Variants in NAV2 observed in about 807,000 individuals in gnomAD.
NAV2 encodes the protein neuron navigator 2, also known as helicase, APC down-regulated 1.
Under a neutral mutation model 223.2 loss-of-function variants are expected in NAV2, and 54 were observed. That is an observed-to-expected ratio of 0.24 (90% confidence interval 0.19 to 0.30). NAV2 has a LOEUF of 0.30. NAV2 is among the 10% of genes least tolerant of loss of function. The pLI, the probability that NAV2 is intolerant of heterozygous loss-of-function variation, is 1.00. For synonymous variants in NAV2, 1,279 were observed against 1,239.3 expected, an observed-to-expected ratio of 1.03 and a Z score of -0.67; for missense variants, 2,806 against 3,147.5, an observed-to-expected ratio of 0.89 and a Z score of 2.60.
Position 19,811,521 on chromosome 11 carries a change from A to G in NAV2, c.268-20963A>G, listed in dbSNP as rs879211535. On this transcript the variant is annotated intron_variant, in intron 1 of 37. Coordinates refer to ENST00000349880, the MANE Select transcript of NAV2 (RefSeq NM_145117.5). ...CAATTAAATGATTATCCCAGCTGCC[A>G]CACACTAATGCCTTTCTTACTGAGT... Among the ~76,000 whole-genome samples, 130 of 152,350 alleles carry G rather than the reference A, an allele frequency of 8.5e-4. 1 individual carries two copies. Among genetic ancestry groups the G allele is most frequent in the Admixed American group, 9.1e-4 (14 of 15,306 alleles).
chr11:19,557,508 A>G (rs10766570), intron 1 of NAV2, among the ~76,000 whole-genome samples: 24,044 of 152,252 alleles, frequency 0.16, 2,563 homozygotes, highest in East Asian at 0.42. Flanking sequence ...TTCATGGACA[A>G]TCGATGGTAC....
intron 1 of NAV2, among the ~76,000 whole-genome samples, chr11:19,662,416 A>C (rs1202754461): frequency 6.6e-6 from 1 of 152,216 alleles, no homozygotes; most frequent in East Asian, 1.9e-4. Flanking sequence ...AGGTGGAAAC[A>C]CCTGATAGAA....
intron 24 of NAV2, among the ~76,000 whole-genome samples, 177 bp downstream of exon 24, chr11:20,078,281 C>T (rs990115274): frequency 1.3e-5 from 2 of 152,178 alleles, no homozygotes; most frequent in Non-Finnish European, 2.9e-5. Context: ...CTGGCCTCTA[C>T]AAAGATGGCT....
In NAV2 at chr11:20,114,610, C is replaced by T; in HGVS notation, c.6979C>T (p.Pro2327Ser). ...EGLQLYGRRA[P>S]WEDPAKWVMD... Reference sequence around the variant, plus strand: ...TTTTCAGCTCTATGGAAGGCGCGCCCCCTGGGAGGATCCTGCCAAGTGGGT... The same window carrying T: ...TTTTCAGCTCTATGGAAGGCGCGCCTCCTGGGAGGATCCTGCCAAGTGGGT... Residue 2327 changes from proline (P) to serine (S), a missense_variant, in exon 37 of 38, where the codon CCC (proline) becomes TCC (serine). Physicochemically the swap from Pro to Ser is moderately conservative, Grantham distance 74. Around this residue, in one of 4 missense-constraint regions of NAV2, gnomAD observed 824 missense variants for 1,069.4 expected, o/e 0.77. Transcript: ENST00000349880. 6.2e-7 allele frequency: 1 copy of T among 1,614,158 alleles called. No individual in the cohort carries two copies. Among genetic ancestry groups the T allele is most frequent in the Non-Finnish European group, 8.5e-7 (1 of 1,180,034 alleles).
intron 11 of NAV2, among the ~76,000 whole-genome samples, chr11:20,021,177 A>G (rs1046586425): frequency 6.6e-6 from 1 of 152,084 alleles, no homozygotes; most frequent in Non-Finnish European, 1.5e-5. Flanking sequence ...TAAAATTTAC[A>G]TTTTGTCTCA....
At chr11:19,744,761 A>G (rs1371704508) in intron 1 of NAV2, among the ~76,000 whole-genome samples, 1 of 152,176 alleles carries the variant, frequency 6.6e-6, no homozygotes, top group Non-Finnish European at 1.5e-5. Context: ...GAATTTCACC[A>G]TCCTCACCAT....
At chr11:19,580,015 A>G (rs1019351470) in intron 1 of NAV2, among the ~76,000 whole-genome samples, 9 of 152,240 alleles carry the variant, frequency 5.9e-5, no homozygotes, top group Non-Finnish European at 1.0e-4. Context: ...GGACAATTGT[A>G]TCTTTTGGCC....
At chr11:20,088,386 C>T (rs895144757) in intron 26 of NAV2, among the ~76,000 whole-genome samples, 6 of 152,258 alleles carry the variant, frequency 3.9e-5, no homozygotes, top group African/African-American at 1.2e-4. Context: ...GGGGTTTCGC[C>T]GTGTTGGCCA....
chr11:19,473,299 T>C (rs1305614651), intron 1 of NAV2, among the ~76,000 whole-genome samples: 2 of 150,460 alleles, frequency 1.3e-5, no homozygotes, highest in South Asian at 2.1e-4. Flanking sequence ...AGGCTTTAGA[T>C]GGTACAGATG....
chr11:19,726,994 A>T (rs1218663133), intron 1 of NAV2, among the ~76,000 whole-genome samples: 1 of 152,202 alleles, frequency 6.6e-6, no homozygotes, highest in African/African-American at 2.4e-5. Context: ...GGATGGATGG[A>T]GTCACCCTAG....
intron 1 of NAV2, among the ~76,000 whole-genome samples, chr11:19,728,356 G>A (rs1324560489): frequency 6.6e-6 from 1 of 152,184 alleles, no homozygotes; most frequent in Non-Finnish European, 1.5e-5. Context: ...CACCAGCCCT[G>A]ATGTCTCCCA....
chr11:19,728,873 A>T (rs1405625208), intron 1 of NAV2, among the ~76,000 whole-genome samples: 1 of 152,236 alleles, frequency 6.6e-6, no homozygotes, highest in Non-Finnish European at 1.5e-5. Context: ...AAGGAAACCA[A>T]TTAATTCATT....
intron 5 of NAV2, among the ~76,000 whole-genome samples, chr11:19,890,077 C>T (rs529024618): frequency 3.0e-4 from 46 of 152,322 alleles, no homozygotes; most frequent in African/African-American, 9.9e-4. Context: ...AACTAACATA[C>T]GGTGGCTGGA....
chr11:19,643,213 G>A (rs1395914167), intron 1 of NAV2, among the ~76,000 whole-genome samples: 2 of 151,856 alleles, frequency 1.3e-5, no homozygotes, highest in African/African-American at 2.4e-5. Flanking sequence ...TGTGCACAAC[G>A]TGCACGTTTG....
At chr11:19,467,849 A>G (rs1239326716) in intron 1 of NAV2, among the ~76,000 whole-genome samples, 2 of 152,194 alleles carry the variant, frequency 1.3e-5, no homozygotes, top group African/African-American at 4.8e-5. Context: ...CTGGCAGTGG[A>G]GGCTGGGCTT....
chr11:19,732,807 C>T (rs930169912), intron 1 of NAV2, among the ~76,000 whole-genome samples: 2 of 152,220 alleles, frequency 1.3e-5, no homozygotes, highest in African/African-American at 2.4e-5. Flanking sequence ...CCTGCCCAGC[C>T]TCTGCAGGGT....
At chr11:19,471,331 G>T (rs2041958817) in intron 1 of NAV2, among the ~76,000 whole-genome samples, 1 of 152,176 alleles carries the variant, frequency 6.6e-6, no homozygotes, top group Non-Finnish European at 1.5e-5. Context: ...GGTGGTTGAG[G>T]TGAGAACACG....
chr11:19,944,220 G>T (rs1361232767), intron 8 of NAV2, among the ~76,000 whole-genome samples: 2 of 152,050 alleles, frequency 1.3e-5, no homozygotes, highest in East Asian at 3.9e-4. Flanking sequence ...AAGAAAGAAA[G>T]AAACAGAATT....
intron 11 of NAV2, among the ~76,000 whole-genome samples, chr11:20,002,142 C>G (rs2052613106): frequency 6.6e-6 from 1 of 152,166 alleles, no homozygotes; most frequent in Admixed American, 6.5e-5. Flanking sequence ...TTTTATTAGG[C>G]ACTAACTTCA....
Sources: allele counts gnomAD v4.1 joint callset (sites outside exome capture counted in the v4.1 genomes callset), GRCh38; gene constraint gnomAD v4.1.1; regional missense constraint gnomAD v4.1.1; transcripts MANE v1.5; gene names NCBI Gene and HGNC (gene_info 2026-07-23, HGNC 2026-07-21).